The following HPF1 variants were observed in gnomAD, a reference collection of about 807,000 sequenced individuals.
HPF1 encodes the protein UPF0609 protein C4orf27.
Under a neutral mutation model 38.8 loss-of-function variants are expected in HPF1, and 35 were observed. The ratio of observed to expected loss-of-function variants is 0.90; its 90% confidence interval spans 0.69 to 1.19. HPF1 has a LOEUF of 1.19. Among genes scored for constraint, HPF1 ranks in the 50% most tolerant of loss-of-function variants. The pLI is 0.00. For synonymous variants in HPF1, 115 were observed against 139.2 expected (o/e 0.83, Z 1.22); for missense variants, 367 against 405.8 (o/e 0.90, Z 0.82).
intron 2 of HPF1, among the ~76,000 whole-genome samples, chr4:169,752,072 C>G (rs1734126291): frequency 6.6e-6 from 1 of 151,368 alleles, no homozygotes; most frequent in African/African-American, 2.4e-5. Flanking sequence ...AGGTAACCAT[C>G]TATTCTCTTA....
chr4:169,751,661 G>A (rs1337095620), intron 2 of HPF1, among the ~76,000 whole-genome samples: 1 of 152,034 alleles, frequency 6.6e-6, no homozygotes, highest in African/African-American at 2.4e-5. Context: ...CCCCAGACAG[G>A]ACCCAGTTTT....
chr4:169,755,097 C>A (rs1734172021), intron 1 of HPF1, among the ~76,000 whole-genome samples: 1 of 107,676 alleles, frequency 9.3e-6, no homozygotes, highest in Admixed American at 1.5e-4. Flanking sequence ...TCTATTTTCT[C>A]AGTAGTCTGA....
At chr4:169,734,128 G>A (rs1296137948) in intron 6 of HPF1, among the ~76,000 whole-genome samples, 1 of 152,156 alleles carries the variant, frequency 6.6e-6, no homozygotes, top group Non-Finnish European at 1.5e-5. Flanking sequence ...ATAAACAGTA[G>A]TGACATATTT....
rs939995922 is a variant in HPF1, at chr4:169,737,849, T to C, written c.649-102A>G. 2.3e-5 allele frequency: 17 copies of C among 748,390 alleles called. No homozygotes were observed. The African/African-American group carries it at 3.0e-4, about 13-fold the overall frequency. 46.4% of individuals were successfully genotyped at this position (748,390 alleles called of 1,614,324 possible). On this transcript the variant is annotated intron_variant, in intron 5 of 7. Coordinates refer to ENST00000393381, the MANE Select transcript of HPF1 (RefSeq NM_017867.3). The stretch of plus-strand genomic sequence containing the variant: ...TCAACATTTCTGCCAAAATGTAACA[T>C]TTAATCACATTTTATTTCAGTAAAT...
chr4:169,746,451 A>G (rs1734048209), intron 4 of HPF1, among the ~76,000 whole-genome samples: 1 of 152,126 alleles, frequency 6.6e-6, no homozygotes, highest in Non-Finnish European at 1.5e-5. Context: ...GCTTTCTACA[A>G]AAGTTTTACC....
At chr4:169,743,501 G>A (rs72696691) in intron 4 of HPF1, among the ~76,000 whole-genome samples, 1 of 141,280 alleles carries the variant, frequency 7.1e-6, no homozygotes, top group African/African-American at 2.6e-5. Context: ...TAATGTTGAA[G>A]TTTGTGTTAA....
chr4:169,740,923 T>C (rs1733961294), intron 5 of HPF1, among the ~76,000 whole-genome samples: 1 of 152,142 alleles, frequency 6.6e-6, no homozygotes. Context: ...TCAAAACAAA[T>C]TAGAAATACA....
At chr4:169,732,475 G>A (rs1333242354) in intron 6 of HPF1, among the ~76,000 whole-genome samples, 1 of 152,094 alleles carries the variant, frequency 6.6e-6, no homozygotes, top group Admixed American at 6.5e-5. Flanking sequence ...ATTCCATGGT[G>A]GTCATCATGC....
At chr4:169,731,430 TTAA>T (rs1733826342) in intron 7 of HPF1, among the ~76,000 whole-genome samples, 1 of 152,180 alleles carries the variant, frequency 6.6e-6, no homozygotes, top group African/African-American at 2.4e-5. Flanking sequence ...TAAATTCACT[TTAA>T]TGTAAGCCTG....
At chr4:169,740,144 T>C (rs1373557420) in intron 5 of HPF1, among the ~76,000 whole-genome samples, 1 of 152,204 alleles carries the variant, frequency 6.6e-6, no homozygotes, top group Non-Finnish European at 1.5e-5. Context: ...TTAACCAACG[T>C]TCCTTATGAA....
intron 6 of HPF1, among the ~76,000 whole-genome samples, chr4:169,733,130 T>C (rs949603269): frequency 3.9e-5 from 6 of 152,170 alleles, no homozygotes; most frequent in Admixed American, 1.3e-4. Context: ...CACTGCAGAA[T>C]TAAACCTTTA....
intron 4 of HPF1, among the ~76,000 whole-genome samples, chr4:169,745,217 G>A (rs185377269): frequency 1.7e-4 from 26 of 152,296 alleles, no homozygotes; most frequent in Admixed American, 3.3e-4. Context: ...TCGAGAGGCC[G>A]GGCCTAACAG....
chr4:169,752,875 C>T (rs549155593), intron 2 of HPF1, among the ~76,000 whole-genome samples: 3 of 152,196 alleles, frequency 2.0e-5, no homozygotes, highest in East Asian at 3.9e-4. Context: ...CTTCACATTC[C>T]CCCAGAATGT....
At chr4:169,737,491 G>A (rs1298237652) in intron 6 of HPF1, among the ~76,000 whole-genome samples, 169 bp downstream of exon 6, 1 of 151,950 alleles carries the variant, frequency 6.6e-6, no homozygotes, top group Admixed American at 6.6e-5. Flanking sequence ...CTATGAACTC[G>A]GTTTTAATTC....
chr4:169,741,357 C>T (rs138858054), intron 5 of HPF1, among the ~76,000 whole-genome samples: 1 of 151,698 alleles, frequency 6.6e-6, no homozygotes. Flanking sequence ...TTTGTTTTTT[C>T]CCCAGAGGCC....
intron 4 of HPF1, 30 bp downstream of exon 4, chr4:169,748,714 G>A: frequency 2.7e-6 from 3 of 1,092,912 alleles, no homozygotes; most frequent in Non-Finnish European, 2.7e-6. Flanking sequence ...TATAAACATT[G>A]TAAACAAATA....
intron 6 of HPF1, among the ~76,000 whole-genome samples, chr4:169,734,391 A>T (rs906552922): frequency 6.6e-6 from 1 of 152,234 alleles, no homozygotes; most frequent in African/African-American, 2.4e-5. Context: ...TGAAGAATTT[A>T]AAGTTTATCG....
chr4:169,750,529 C>G lies in HPF1; in HGVS notation c.398+7G>C, dbSNP rs772291508. 1 of 1,569,476 alleles carries G rather than the reference C, an allele frequency of 6.4e-7. No homozygotes were observed. Among genetic ancestry groups the G allele is most frequent in the South Asian group, 1.2e-5 (1 of 84,796 alleles). On this transcript the variant is annotated splice_region_variant and intron_variant, in intron 3 of 7. Transcript: ENST00000393381. ...TGTATTTTAGAGGCGAAGAAAAGATCCTTTACCTGAAATACCCCATGTGGT... is the reference window on the plus strand; with the variant it reads ...TGTATTTTAGAGGCGAAGAAAAGATGCTTTACCTGAAATACCCCATGTGGT...
chr4:169,740,053 A>G (rs145872402), intron 5 of HPF1, among the ~76,000 whole-genome samples: 1 of 152,320 alleles, frequency 6.6e-6, no homozygotes, highest in Non-Finnish European at 1.5e-5. Flanking sequence ...CAAATTTAGG[A>G]AAGCTGTATA....
Sources: gnomAD v4.1 joint callset for allele counts (sites outside exome capture counted in the v4.1 genomes callset) on GRCh38, gnomAD v4.1.1 for gene constraint, MANE v1.5 for transcripts, NCBI Gene and HGNC (gene_info 2026-07-23, HGNC 2026-07-21) for gene names.